The following PTPRD variants were observed in gnomAD, a reference collection of about 807,000 sequenced individuals.
The protein encoded by PTPRD is receptor-type tyrosine-protein phosphatase delta.
PTPRD carries 34 observed loss-of-function variants against 214.5 expected under a neutral mutation model. The ratio of observed to expected loss-of-function variants is 0.16; its 90% confidence interval spans 0.12 to 0.21. PTPRD has a LOEUF of 0.21. Ranked by LOEUF, PTPRD falls within the 10% of genes least tolerant of loss-of-function variation. The pLI, the probability that PTPRD is intolerant of heterozygous loss-of-function variation, is 1.00. For missense variants in PTPRD, 2,545 were observed against 2,398.7 expected (o/e 1.06, Z -1.27); for synonymous variants, 1,128 against 845.7 (o/e 1.33, Z -5.79).
intron 8 of PTPRD, among the ~76,000 whole-genome samples, chr9:9,533,464 C>T (rs2075906674): frequency 1.3e-5 from 2 of 151,928 alleles, no homozygotes; most frequent in Admixed American, 6.6e-5. Context: ...AATTTTGATG[C>T]TCTGGGTTTT....
chr9:10,244,577 C>T lies in PTPRD; in HGVS notation c.-545+96386G>A, dbSNP rs544801343. Among the ~76,000 whole-genome samples the T allele has an allele frequency of 2.4e-5, 3 of 126,628 alleles. No individual in the cohort carries two copies. In the South Asian group the frequency reaches 8.4e-4, roughly 35 times the overall value. The allele number at this position is 126,628 out of a possible 152,430, so 83.1% of individuals were successfully genotyped here. A position where few individuals can be genotyped will look rare whatever the true frequency, so the allele number is the denominator to read the frequency against. ...AGGTTAAGCAGGAGGAAAAAAATTC[C>T]TCTTGAATTTTGGATATGAGCCAGG... On this transcript the variant is annotated intron_variant, in intron 3 of 45. Transcript: ENST00000381196.
At chr9:10,439,598 G>GA (rs999375726) in intron 2 of PTPRD, among the ~76,000 whole-genome samples, 31 of 148,192 alleles carry the variant, frequency 2.1e-4, no homozygotes, top group African/African-American at 5.9e-4. Flanking sequence ...CTATGATCAG[G>GA]AAAAAAAAAG....
Position 8,774,890 on chromosome 9 carries a change from T to C in PTPRD, c.-103-40944A>G, listed in dbSNP as rs1336158039. Among the ~76,000 whole-genome samples the C allele has an allele frequency of 2.0e-5, 3 of 152,186 alleles. No homozygotes were observed. The East Asian group carries it at 5.8e-4, about 29-fold the overall frequency. ...TTAGAGGTTAGCAATAATTCAAATG[T>C]TGATTACGAAGATACTTCATTATAT... On this transcript the variant is annotated intron_variant, in intron 11 of 45. Coordinates refer to ENST00000381196, the MANE Select transcript of PTPRD (RefSeq NM_002839.4).
At chr9:9,685,770 C>G (rs2097156052) in intron 7 of PTPRD, among the ~76,000 whole-genome samples, 1 of 150,952 alleles carries the variant, frequency 6.6e-6, no homozygotes, top group East Asian at 1.9e-4. Context: ...TAGGCAGTTT[C>G]AGGATGACAT....
At chr9:9,709,193 C>G (rs529196696) in intron 7 of PTPRD, among the ~76,000 whole-genome samples, 1 of 151,850 alleles carries the variant, frequency 6.6e-6, no homozygotes, top group East Asian at 1.9e-4. Flanking sequence ...GTCATGAATG[C>G]TTAGTATTTT....
intron 11 of PTPRD, among the ~76,000 whole-genome samples, chr9:8,936,722 G>C (rs1443877163): frequency 6.6e-6 from 1 of 152,126 alleles, no homozygotes; most frequent in Non-Finnish European, 1.5e-5. Flanking sequence ...AATTTTATAA[G>C]CCTGTTCTAC....
intron 36 of PTPRD, among the ~76,000 whole-genome samples, chr9:8,398,005 C>G (rs905163171): frequency 6.6e-6 from 1 of 152,094 alleles, no homozygotes; most frequent in Non-Finnish European, 1.5e-5. Context: ...TTCCATTTAT[C>G]AAGCACCAGT....
intron 7 of PTPRD, among the ~76,000 whole-genome samples, chr9:9,664,080 C>G (rs1034512814): frequency 2.5e-5 from 3 of 121,772 alleles, no homozygotes; most frequent in African/African-American, 8.7e-5. Flanking sequence ...AACATTTACA[C>G]TCCTGTGTAA....
At chr9:9,117,419 C>G (rs1033451859) in intron 10 of PTPRD, among the ~76,000 whole-genome samples, 1 of 151,992 alleles carries the variant, frequency 6.6e-6, no homozygotes, top group African/African-American at 2.4e-5. Flanking sequence ...GAAAGTGATT[C>G]AAATGAGATA....
chr9:8,413,431 C>T (rs374977198), intron 35 of PTPRD, among the ~76,000 whole-genome samples: 1 of 151,988 alleles, frequency 6.6e-6, no homozygotes, highest in East Asian at 1.9e-4. Context: ...ATGTTTTCTC[C>T]CAGTCTTTGT....
intron 9 of PTPRD, among the ~76,000 whole-genome samples, chr9:9,217,985 C>T (rs529547480): frequency 8.5e-5 from 13 of 152,242 alleles, no homozygotes; most frequent in African/African-American, 3.1e-4. Context: ...CATTGTATGA[C>T]AGTTATGCCG....
chr9:8,901,140 G>A (rs539443183), intron 11 of PTPRD, among the ~76,000 whole-genome samples: 11 of 152,182 alleles, frequency 7.2e-5, no homozygotes, highest in Non-Finnish European at 1.5e-4. Context: ...AAGCCAAAGA[G>A]TTTTCAGTGA....
chr9:9,886,765 C>G (rs1462074443), intron 5 of PTPRD, among the ~76,000 whole-genome samples: 1 of 152,124 alleles, frequency 6.6e-6, no homozygotes, highest in African/African-American at 2.4e-5. Context: ...GGAACACTTG[C>G]CAGTACACTA....
chr9:9,593,649 C>T (rs1050673988), intron 7 of PTPRD, among the ~76,000 whole-genome samples: 11 of 151,736 alleles, frequency 7.2e-5, no homozygotes, highest in Admixed American at 7.2e-4. Flanking sequence ...TGAATTTGCC[C>T]AAGAAAAAAG....
Position 9,299,413 on chromosome 9 carries a change from C to A in PTPRD, c.-203+98036G>T, listed in dbSNP as rs550873308. ...GATGCTGCTAAATACCTTATAATGC[C>A]CAGGTCAGCCTGCATAACAAAGATT... On this transcript the variant is annotated intron_variant, in intron 9 of 45. Transcript: ENST00000381196. 2.0e-5 allele frequency among the ~76,000 whole-genome samples: 3 copies of A among 151,650 alleles called. No homozygotes were observed. In the East Asian group the frequency reaches 5.8e-4, roughly 30 times the overall value.
intron 39 of PTPRD, among the ~76,000 whole-genome samples, chr9:8,343,358 C>T (rs1299456148): frequency 1.3e-5 from 2 of 151,950 alleles, no homozygotes; most frequent in Admixed American, 6.6e-5. Flanking sequence ...CAAGTATAAA[C>T]CCACAAATTG....
At chr9:10,449,487 T>TGGGAAGTGAGGAGC (rs1211305216) in intron 2 of PTPRD, among the ~76,000 whole-genome samples, 25 of 145,528 alleles carry the variant, frequency 1.7e-4, no homozygotes, top group African/African-American at 6.7e-4. Flanking sequence ...GGAGCCTCTC[T>TGGGAAGTGAGGAGC]GCCTGGCTGC....
chr9:8,916,535 A>G (rs1326873425), intron 11 of PTPRD, among the ~76,000 whole-genome samples: 1 of 152,198 alleles, frequency 6.6e-6, no homozygotes, highest in Non-Finnish European at 1.5e-5. Context: ...GGTAGTGTGT[A>G]GAGAGGCCTT....
chr9:9,338,346 A>C (rs1004193659), intron 9 of PTPRD, among the ~76,000 whole-genome samples: 1 of 152,198 alleles, frequency 6.6e-6, no homozygotes, highest in East Asian at 1.9e-4. Context: ...TTGCAGCAAG[A>C]TGAAAATAGG....
Sources: allele counts gnomAD v4.1 joint callset (sites outside exome capture counted in the v4.1 genomes callset), GRCh38; gene constraint gnomAD v4.1.1; transcripts MANE v1.5; gene names NCBI Gene and HGNC (gene_info 2026-07-23, HGNC 2026-07-21).